The following MCM3 variants were observed in gnomAD, a reference collection of about 807,000 sequenced individuals.
The protein encoded by MCM3 is minichromosome maintenance complex component 3.
In MCM3, 59 loss-of-function variants were observed where a neutral mutation model predicts 91.3. The observed-to-expected ratio is 0.65, with a 90% CI of 0.52 to 0.80. The LOEUF (loss-of-function observed/expected upper bound fraction) is 0.80, where lower values mean the gene tolerates loss of function less well. MCM3 is among the 30% of genes least tolerant of loss of function. The probability of loss-of-function intolerance (pLI) is 0.00; values close to 1 mark genes in which losing one functional copy is unlikely to be tolerated. For synonymous variants in MCM3, 383 were observed against 379.6 expected, an observed-to-expected ratio of 1.01 and a Z score of -0.10; for missense variants, 919 against 1,035.4, an observed-to-expected ratio of 0.89 and a Z score of 1.54.
intron 8 of MCM3, among the ~76,000 whole-genome samples, chr6:52,276,857 A>G (rs1348591309): frequency 6.6e-6 from 1 of 152,222 alleles, no homozygotes; most frequent in Non-Finnish European, 1.5e-5. Context: ...TAATGTGCTA[A>G]GACTTAATCC....
At chr6:52,272,665 T>C (rs1765238867) in intron 11 of MCM3, among the ~76,000 whole-genome samples, 1 of 152,202 alleles carries the variant, frequency 6.6e-6, no homozygotes, top group South Asian at 2.1e-4. Flanking sequence ...AGGCAGAAAG[T>C]TTAGGTATTA....
intron 1 of MCM3, 105 bp from the exon 2 acceptor site, chr6:52,283,511 G>C: frequency 1.3e-6 from 1 of 789,318 alleles, no homozygotes; most frequent in Non-Finnish European, 2.3e-6. Flanking sequence ...CTCTGCAGCA[G>C]AGCTGAATCC....
In MCM3 at chr6:52,273,869, T is replaced by C. The variant is rs1765344702; in HGVS notation, c.1422A>G (p.Ser474=). The C allele has an allele frequency of 6.2e-7, 1 of 1,614,008 alleles. No individual in the cohort carries two copies. The highest frequency in any genetic ancestry group is 8.5e-7 in the Non-Finnish European group (1 of 1,179,996). ...TPMENIGLQD[S]LLSRFDLLFI... ...AGAGCAAGTCAAATCGTGACAGCAG[T>C]GAGTCCTGTAGCCCAATGTTCTCCA... The change falls in exon 10 of 17, where the codon TCA becomes TCG. Residue 474 remains serine (S), a synonymous_variant. Coordinates refer to ENST00000596288, the MANE Select transcript of MCM3 (RefSeq NM_002388.6).
rs777553082 is a variant in MCM3 at position 52,264,667 on chromosome 6, A to G, written c.2348T>C (p.Val783Ala). Reference protein sequence around the residue: ...NRDSEEPFSSVEIQAALSKMQ... With the variant: ...NRDSEEPFSSAEIQAALSKMQ... ...CTTGCTCAGAGCAGCCTGGATCTCAACTGAAGAGAAGGGCTCTTCGCTGTC... is the reference window on the plus strand; with the variant it reads ...CTTGCTCAGAGCAGCCTGGATCTCAGCTGAAGAGAAGGGCTCTTCGCTGTC... Residue 783 changes from valine (V) to alanine (A), a missense_variant, in exon 17 of 17, where the codon GTT becomes GCT. Coordinates refer to ENST00000596288, the MANE Select transcript of MCM3 (RefSeq NM_002388.6). The G allele has an allele frequency of 8.7e-6, 14 of 1,614,056 alleles. No homozygotes were observed. Among genetic ancestry groups the G allele is most frequent in the South Asian group, 4.4e-5 (4 of 91,080 alleles).
intron 4 of MCM3, among the ~76,000 whole-genome samples, chr6:52,279,933 T>C (rs999608495): frequency 2.6e-5 from 4 of 152,340 alleles, no homozygotes; most frequent in African/African-American, 9.6e-5. Flanking sequence ...AAGCCATGCA[T>C]TGTAATGCTC....
intron 1 of MCM3, among the ~76,000 whole-genome samples, chr6:52,284,005 A>T (rs1186073046): frequency 1.3e-5 from 2 of 152,238 alleles, no homozygotes; most frequent in African/African-American, 4.8e-5. Flanking sequence ...GACCTAAAGG[A>T]ATAGAGAATC....
intron 11 of MCM3, 119 bp from the exon 12 acceptor site, chr6:52,272,570 C>T: frequency 2.1e-6 from 2 of 961,888 alleles, no homozygotes; most frequent in Non-Finnish European, 1.5e-6. Context: ...ATTATCATAA[C>T]TCCCATTTAT....
intron 10 of MCM3, 30 bp downstream of exon 10, chr6:52,273,712 T>C: frequency 6.3e-7 from 1 of 1,581,116 alleles, no homozygotes; most frequent in East Asian, 2.2e-5. Context: ...GCCTTTCCAT[T>C]AGTTACTCTT....
chr6:52,282,285 T>G (rs1277376756), intron 3 of MCM3, 110 bp from the exon 4 acceptor site: 2 of 929,666 alleles, frequency 2.2e-6, no homozygotes, highest in Admixed American at 2.2e-5. Flanking sequence ...TTTTTTTGAC[T>G]AGGTTACGAT....
At position 52,264,962 on chromosome 6, in the gene MCM3, G is replaced by C. The variant is rs1001726621; in HGVS notation, c.2229-176C>G. Among the ~76,000 whole-genome samples, 3 of 152,162 alleles carry C rather than the reference G, an allele frequency of 2.0e-5. No individual in the cohort carries two copies. In the East Asian group the frequency reaches 5.8e-4, roughly 29 times the overall value. On this transcript the variant is annotated intron_variant, in intron 16 of 16. Transcript: ENST00000596288. Reference sequence around the variant, plus strand: ...CTACCCTTGAGGAGCCCCCTTTAAAGCTAAACTATTGTACTAGCGTGTGGG... The same window carrying C: ...CTACCCTTGAGGAGCCCCCTTTAAACCTAAACTATTGTACTAGCGTGTGGG...
rs773379404 is a variant in MCM3, at chr6:52,273,257, T to C, written c.1649A>G (p.Asn550Ser). ...TTTCTTCTTGGTCCCATGTAGAAGG[T>C]TGTCATGCTTCTCATAAATCTGGGT... The part of the protein sequence containing the change: ...QDTQIYEKHD[N>S]LLHGTKKKKE... The change falls in exon 11 of 17, where the codon AAC (asparagine) becomes AGC (serine). Residue 550 changes from asparagine (N) to serine (S), a missense_variant. Transcript: ENST00000596288. 2.1e-5 allele frequency: 34 copies of C among 1,614,042 alleles called. No homozygotes were observed. Among genetic ancestry groups the C allele is most frequent in the Non-Finnish European group, 2.6e-5 (31 of 1,180,014 alleles).
Position 52,264,584 on chromosome 6 carries a change from C to G in MCM3, c.*4G>C. Reference sequence around the variant, plus strand: ...CACAACCCAAGTTCAGAGACGAGGCCTCCTCAGATGAGGAAGATGATGCCC... The same window carrying G: ...CACAACCCAAGTTCAGAGACGAGGCGTCCTCAGATGAGGAAGATGATGCCC... On this transcript the variant is annotated 3_prime_UTR_variant, in exon 17 of 17. Transcript: ENST00000596288. 6.2e-7 allele frequency: 1 copy of G among 1,613,528 alleles called. No homozygotes were observed. Among genetic ancestry groups the G allele is most frequent in the Non-Finnish European group, 8.5e-7 (1 of 1,179,444 alleles).
In MCM3 at chr6:52,282,722, C is replaced by G. The variant is rs374376498; in HGVS notation, c.331G>C (p.Val111Leu). ...CAGGAGGTAAGAGTCCGCGGGGAGACGTGCTTGGAGCCAAAGCTGCCTTCC... is the reference window on the plus strand; with the variant it reads ...CAGGAGGTAAGAGTCCGCGGGGAGAGGTGCTTGGAGCCAAAGCTGCCTTCC... ...GLEGSFGSKHVSPRTLTSCFL... is the reference protein window; with the variant it reads ...GLEGSFGSKHLSPRTLTSCFL... Residue 111 changes from valine (V) to leucine (L), a missense_variant, in exon 3 of 17, where the codon GTC becomes CTC. Around this residue, in one of 3 missense-constraint regions of MCM3, gnomAD observed 401 missense variants for 402.7 expected, o/e 1.00. Transcript: ENST00000596288. The G allele has an allele frequency of 2.7e-5, 43 of 1,613,902 alleles. 1 individual carries two copies. The African/African-American group carries it at 4.4e-4, about 17-fold the overall frequency.
chr6:52,282,045 CT>C lies in MCM3; in HGVS notation c.530del (p.Lys177ArgfsTer84), dbSNP rs1457665568. On this transcript the variant is annotated frameshift_variant and splice_region_variant, in exon 4 of 17. Transcript: ENST00000596288. LOFTEE classifies it high-confidence loss of function. Reference protein sequence around the residue: ...AFPSSSVYPTKDEENNPLETE... With the variant: ...AFPSSSVYPTXDEENNPLETE... Reference sequence around the variant, plus strand: ...AGCTCAACTGATTTATCCCCCTTACCTTGGTAGGATAGACAGAGCTGGAGGG... The same window carrying C: ...AGCTCAACTGATTTATCCCCCTTACCTGGTAGGATAGACAGAGCTGGAGGG... The C allele has an allele frequency of 2.2e-5, 36 of 1,613,788 alleles. No homozygotes were observed. The highest frequency in any genetic ancestry group is 2.8e-5 in the Non-Finnish European group (33 of 1,179,944).
At chr6:52,272,183 C>G (rs1337311219) in intron 12 of MCM3, 118 bp downstream of exon 12, 1 of 1,084,070 alleles carries the variant, frequency 9.2e-7, no homozygotes, top group Non-Finnish European at 1.3e-6. Flanking sequence ...ACAGGAAGCC[C>G]TTCAGACCAG....
intron 9 of MCM3, 35 bp from the exon 10 acceptor site, chr6:52,273,951 C>A: frequency 2.0e-6 from 3 of 1,538,220 alleles, no homozygotes; most frequent in Middle Eastern, 1.7e-4. Flanking sequence ...GTGGACATGA[C>A]ATCAATAGGA....
In MCM3 at chr6:52,264,722, T is replaced by A. The variant is rs767510994; in HGVS notation, c.2293A>T (p.Met765Leu). Reference protein sequence around the residue: ...FREAHAQSIGMNRLTESINRD... With the variant: ...FREAHAQSIGLNRLTESINRD... The stretch of plus-strand genomic sequence containing the variant: ...TTGATGGATTCTGTGAGGCGATTCA[T>A]GCCGATTGACTGCGCATGAGCTTCC... The change falls in exon 17 of 17, where the codon ATG becomes TTG. Residue 765 changes from methionine (M) to leucine (L), a missense_variant. Coordinates refer to ENST00000596288, the MANE Select transcript of MCM3 (RefSeq NM_002388.6). 1 of 1,614,074 alleles carries A rather than the reference T, an allele frequency of 6.2e-7. No homozygotes were observed. The highest frequency in any genetic ancestry group is 8.5e-7 in the Non-Finnish European group (1 of 1,180,052).
At chr6:52,280,257 C>T (rs1289202763) in intron 4 of MCM3, among the ~76,000 whole-genome samples, 1 of 152,228 alleles carries the variant, frequency 6.6e-6, no homozygotes, top group Non-Finnish European at 1.5e-5. Flanking sequence ...GCTGGTTACA[C>T]AGGTGTACTC....
At chr6:52,284,014 T>C (rs1766407609) in intron 1 of MCM3, among the ~76,000 whole-genome samples, 1 of 152,234 alleles carries the variant, frequency 6.6e-6, no homozygotes, top group South Asian at 2.1e-4. Context: ...GAATAGAGAA[T>C]CTCAGCTATT....
Sources: allele counts gnomAD v4.1 joint callset (sites outside exome capture counted in the v4.1 genomes callset), GRCh38; gene constraint gnomAD v4.1.1; regional missense constraint gnomAD v4.1.1; transcripts MANE v1.5; gene names NCBI Gene and HGNC (gene_info 2026-07-23, HGNC 2026-07-21).